RAD18: variants seen among roughly 807,000 people sequenced by gnomAD.
RAD18 encodes the protein RAD18 E3 ubiquitin protein ligase, also known as E3 ubiquitin-protein ligase RAD18.
RAD18 carries 47 observed loss-of-function variants against 60.4 expected under a neutral mutation model. The observed-to-expected ratio is 0.78, with a 90% CI of 0.62 to 0.99. RAD18 has a LOEUF of 0.99. Among genes scored for constraint, RAD18 ranks in the 50% least tolerant of loss-of-function variants. The pLI is 0.00. For synonymous variants in RAD18, 225 were observed against 195.5 expected (o/e 1.15, Z -1.26); for missense variants, 640 against 593.3 (o/e 1.08, Z -0.82).
At chr3:8,901,843 A>C (rs553548480) in intron 10 of RAD18, among the ~76,000 whole-genome samples, 1 of 152,252 alleles carries the variant, frequency 6.6e-6, no homozygotes, top group Non-Finnish European at 1.5e-5. Context: ...AAAACATAAT[A>C]AGCAATTTTC....
At chr3:8,935,809 C>T in intron 7 of RAD18, 62 bp downstream of exon 7, 1 of 1,340,032 alleles carries the variant, frequency 7.5e-7, no homozygotes, top group South Asian at 1.6e-5. Context: ...TTTATAATTT[C>T]TGAGCTACAC....
chr3:8,881,139 A>G lies in RAD18; in HGVS notation c.*218T>C, dbSNP rs1198277289. 3 of 482,896 alleles carry G rather than the reference A, an allele frequency of 6.2e-6. No individual in the cohort carries two copies. Among genetic ancestry groups the G allele is most frequent in the Admixed American group, 3.8e-5 (1 of 26,080 alleles). 29.9% of individuals were successfully genotyped at this position (482,896 alleles called of 1,614,324 possible). On this transcript the variant is annotated 3_prime_UTR_variant, in exon 13 of 13. Transcript: ENST00000264926. ...ACCTGTGTGAAATGTCAGTATTTTT[A>G]GAGAGAGATGTTTTAGAGGCAGGAG...
chr3:8,881,149 G>A lies in RAD18; in HGVS notation c.*208C>T, dbSNP rs1285894175. 2.0e-6 allele frequency: 1 copy of A among 508,420 alleles called. No homozygotes were observed. Among genetic ancestry groups the A allele is most frequent in the African/African-American group, 2.0e-5 (1 of 50,808 alleles). 31.5% of individuals were successfully genotyped at this position (508,420 alleles called of 1,614,324 possible). ...AATGTCAGTATTTTTAGAGAGAGAT[G>A]TTTTAGAGGCAGGAGGCAACTGACC... is the stretch of plus-strand genomic sequence containing the variant. On this transcript the variant is annotated 3_prime_UTR_variant, in exon 13 of 13. Coordinates refer to ENST00000264926, the MANE Select transcript of RAD18 (RefSeq NM_020165.4).
chr3:8,893,049 T>A (rs1426251837), intron 11 of RAD18, among the ~76,000 whole-genome samples: 1 of 152,222 alleles, frequency 6.6e-6, no homozygotes. Context: ...AAATGTCAGT[T>A]CCATTTTCAT....
intron 9 of RAD18, among the ~76,000 whole-genome samples, chr3:8,907,706 CCTT>C (rs1470967333): frequency 1.3e-5 from 2 of 152,200 alleles, no homozygotes; most frequent in African/African-American, 4.8e-5. Context: ...GGAAAGATCA[CCTT>C]CTTCCCGCAT....
chr3:8,891,121 T>C (rs1029077973), intron 11 of RAD18, among the ~76,000 whole-genome samples: 3 of 149,824 alleles, frequency 2.0e-5, no homozygotes, highest in Admixed American at 1.3e-4. Context: ...ATACACACAG[T>C]AACCTTTTTA....
At chr3:8,881,700 TATGCTTCTGTTTAGC>T (rs970806452) in intron 12 of RAD18, among the ~76,000 whole-genome samples, 69 of 152,360 alleles carry the variant, frequency 4.5e-4, no homozygotes, top group African/African-American at 1.6e-3. Context: ...TTAGGAGTTT[TATGCTTCTGTTTAGC>T]ATGTAGAGGG....
At chr3:8,909,405 A>T (rs574301403) in intron 9 of RAD18, among the ~76,000 whole-genome samples, 1 of 152,144 alleles carries the variant, frequency 6.6e-6, no homozygotes, top group Non-Finnish European at 1.5e-5. Flanking sequence ...AAGGGGCAAG[A>T]GTAGATGGGG....
At chr3:8,943,701 GCAA>G (rs950705176) in intron 4 of RAD18, among the ~76,000 whole-genome samples, 2 of 150,446 alleles carry the variant, frequency 1.3e-5, no homozygotes, top group Non-Finnish European at 3.0e-5. Flanking sequence ...TACATGAAAC[GCAA>G]CAACAGAAAA....
Position 8,880,076 on chromosome 3 carries a change from C to T in RAD18, c.*1281G>A, listed in dbSNP as rs1373531197. On this transcript the variant is annotated 3_prime_UTR_variant, in exon 13 of 13. Transcript: ENST00000264926. ...TGCTTTTAGTTTCCTTAATGCACCCCTCAGGATTTCATGCAAATGAAATTA... is the reference window on the plus strand; with the variant it reads ...TGCTTTTAGTTTCCTTAATGCACCCTTCAGGATTTCATGCAAATGAAATTA... The T allele has an allele frequency of 6.6e-6, 1 of 152,104 alleles. No homozygotes were observed. Among genetic ancestry groups the T allele is most frequent in the African/African-American group, 2.4e-5 (1 of 41,404 alleles). 9.4% of individuals were successfully genotyped at this position (152,104 alleles called of 1,614,324 possible). A position where few individuals can be genotyped will look rare whatever the true frequency, so the allele number is the denominator to read the frequency against.
intron 10 of RAD18, 64 bp from the exon 11 acceptor site, chr3:8,899,111 C>T (rs1225945105): frequency 7.7e-7 from 1 of 1,305,074 alleles, no homozygotes; most frequent in Admixed American, 2.3e-5. Flanking sequence ...ATTACTTCTG[C>T]AACACTTAAT....
intron 2 of RAD18, among the ~76,000 whole-genome samples, chr3:8,953,996 T>C (rs1372366408): frequency 1.3e-5 from 2 of 152,240 alleles, no homozygotes; most frequent in East Asian, 1.9e-4. Context: ...ATAAACGTGT[T>C]TATCTTCTTT....
At chr3:8,899,947 C>T (rs1025446869) in intron 10 of RAD18, among the ~76,000 whole-genome samples, 1 of 152,130 alleles carries the variant, frequency 6.6e-6, no homozygotes, top group African/African-American at 2.4e-5. Flanking sequence ...CTTGTAGAGG[C>T]AAGTGGTCTT....
At chr3:8,930,343 A>C (rs630763) in intron 7 of RAD18, among the ~76,000 whole-genome samples, 1 of 152,052 alleles carries the variant, frequency 6.6e-6, no homozygotes, top group Non-Finnish European at 1.5e-5. Flanking sequence ...ACTTAAATGG[A>C]ATATCCAGAA....
At chr3:8,900,860 C>A (rs373544053) in intron 10 of RAD18, among the ~76,000 whole-genome samples, 33 of 152,134 alleles carry the variant, frequency 2.2e-4, no homozygotes, top group African/African-American at 7.2e-4. Flanking sequence ...ACCTCTGAAC[C>A]CCGGAAAGAG....
chr3:8,917,983 C>T (rs992507606), intron 7 of RAD18, among the ~76,000 whole-genome samples: 26 of 152,096 alleles, frequency 1.7e-4, no homozygotes, highest in Non-Finnish European at 3.1e-4. Context: ...TAATATGAGG[C>T]GCAATAGGCT....
At chr3:8,942,988 A>C (rs1940779352) in intron 4 of RAD18, among the ~76,000 whole-genome samples, 1 of 152,218 alleles carries the variant, frequency 6.6e-6, no homozygotes, top group Admixed American at 6.5e-5. Context: ...CCCCACAAAG[A>C]CCACACCTTA....
At chr3:8,902,804 A>T (rs1332473294) in intron 9 of RAD18, among the ~76,000 whole-genome samples, 1 of 152,126 alleles carries the variant, frequency 6.6e-6, no homozygotes, top group Non-Finnish European at 1.5e-5. Flanking sequence ...AAGTAGGTGG[A>T]CCATTTGTCA....
chr3:8,915,777 G>A (rs1037704108), intron 7 of RAD18, among the ~76,000 whole-genome samples: 2 of 151,980 alleles, frequency 1.3e-5, no homozygotes, highest in African/African-American at 4.8e-5. Flanking sequence ...TAGAGACAGG[G>A]TTTCACCATG....
Sources: gnomAD v4.1 joint callset for allele counts (sites outside exome capture counted in the v4.1 genomes callset) on GRCh38, gnomAD v4.1.1 for gene constraint, MANE v1.5 for transcripts, NCBI Gene and HGNC (gene_info 2026-07-23, HGNC 2026-07-21) for gene names.